Variants in DRGX observed in about 807,000 individuals in gnomAD.
The protein encoded by DRGX is dorsal root ganglia homeobox protein.
A neutral mutation model predicts 28.6 loss-of-function variants in DRGX; 21 were observed. The ratio of observed to expected loss-of-function variants is 0.73; its 90% confidence interval spans 0.52 to 1.06. DRGX has a LOEUF of 1.06. DRGX is among the 50% of genes least tolerant of loss of function. The pLI is 0.00. For synonymous variants in DRGX, 136 were observed against 139.1 expected (o/e 0.98, Z 0.16); for missense variants, 354 against 343.9 (o/e 1.03, Z -0.23).
chr10:49,391,969 C>T, intron 2 of DRGX: 2 of 446,814 alleles, frequency 4.5e-6, no homozygotes, highest in South Asian at 1.7e-5. Flanking sequence ...GCACCCCACC[C>T]TCTGGCCAAG....
chr10:49,386,436 C>T (rs1284009306), intron 6 of DRGX, 42 bp downstream of exon 6: 5 of 1,476,642 alleles, frequency 3.4e-6, no homozygotes, highest in Non-Finnish European at 3.6e-6. Context: ...TCCACCAACC[C>T]CATGAGGCCA....
At chr10:49,387,910 C>T (rs1397289655) in intron 4 of DRGX, among the ~76,000 whole-genome samples, 1 of 152,180 alleles carries the variant, frequency 6.6e-6, no homozygotes, top group Non-Finnish European at 1.5e-5. Flanking sequence ...AATGGCTTGG[C>T]TGGGAACTGT....
intron 6 of DRGX, among the ~76,000 whole-genome samples, chr10:49,385,063 C>T (rs1849816493): frequency 6.6e-6 from 1 of 152,260 alleles, no homozygotes; most frequent in South Asian, 2.1e-4. Context: ...TCTTCTGGAT[C>T]CCCCTTCTAA....
chr10:49,377,366 G>A (rs924091971), intron 6 of DRGX, among the ~76,000 whole-genome samples: 1 of 152,190 alleles, frequency 6.6e-6, no homozygotes, highest in South Asian at 2.1e-4. Flanking sequence ...CTCATGGCAG[G>A]GGCCAGCATA....
chr10:49,393,738 A>G (rs911121464), intron 2 of DRGX, among the ~76,000 whole-genome samples: 1 of 152,242 alleles, frequency 6.6e-6, no homozygotes, highest in Non-Finnish European at 1.5e-5. Flanking sequence ...CTACAAAGGG[A>G]TGAAAGGCTC....
chr10:49,380,922 G>C (rs1251581382), intron 6 of DRGX, among the ~76,000 whole-genome samples: 1 of 152,172 alleles, frequency 6.6e-6, no homozygotes, highest in East Asian at 1.9e-4. Context: ...CCACTGTCCT[G>C]AGGGCCTCAA....
intron 6 of DRGX, among the ~76,000 whole-genome samples, chr10:49,368,449 T>G (rs1438479856): frequency 6.6e-6 from 1 of 152,254 alleles, no homozygotes; most frequent in African/African-American, 2.4e-5. Flanking sequence ...CCTGTCATGC[T>G]TTTGGTCAAA....
chr10:49,389,466 C>G (rs929284130), intron 4 of DRGX, among the ~76,000 whole-genome samples: 1 of 152,176 alleles, frequency 6.6e-6, no homozygotes, highest in Non-Finnish European at 1.5e-5. Context: ...GAGGCGGCAC[C>G]GTGAATCCCT....
chr10:49,391,494 C>T (rs1022217299), intron 2 of DRGX, among the ~76,000 whole-genome samples: 13 of 152,242 alleles, frequency 8.5e-5, no homozygotes, highest in African/African-American at 2.6e-4. Context: ...GACCTTAATC[C>T]CCAAGATGGC....
intron 2 of DRGX, among the ~76,000 whole-genome samples, chr10:49,392,196 C>T (rs1849913910): frequency 6.6e-6 from 1 of 152,240 alleles, no homozygotes; most frequent in African/African-American, 2.4e-5. Context: ...CTTTACCTGC[C>T]ATGGGCTCTG....
At position 49,395,466 on chromosome 10, in the gene DRGX, G is replaced by T; in HGVS notation, c.-26C>A. The T allele has an allele frequency of 6.5e-7, 1 of 1,549,712 alleles. No individual in the cohort carries two copies. The highest frequency in any genetic ancestry group is 2.4e-5 in the East Asian group (1 of 40,916). On this transcript the variant is annotated 5_prime_UTR_variant, in exon 2 of 7. Transcript: ENST00000374139. ...CGCCGGCTGTCAGATCGGCTGGACG[G>T]CCGAGACCTGGGAGGGTGGCAGCAG...
At chr10:49,390,847 T>C (rs1181052281) in intron 3 of DRGX, among the ~76,000 whole-genome samples, 1 of 152,208 alleles carries the variant, frequency 6.6e-6, no homozygotes, top group African/African-American at 2.4e-5. Flanking sequence ...AATGAGAATG[T>C]CTGACCTGCC....
At chr10:49,379,659 G>A (rs1176202347) in intron 6 of DRGX, among the ~76,000 whole-genome samples, 1 of 152,150 alleles carries the variant, frequency 6.6e-6, no homozygotes, top group African/African-American at 2.4e-5. Context: ...ACTAATGCAG[G>A]GGCCTTGCCC....
At chr10:49,367,470 G>T (rs948651036) in intron 6 of DRGX, among the ~76,000 whole-genome samples, 4 of 152,194 alleles carry the variant, frequency 2.6e-5, no homozygotes, top group Non-Finnish European at 5.9e-5. Flanking sequence ...AAGTTGTCAG[G>T]ACATACTTAG....
rs1012892500 is a variant in DRGX at position 49,386,986 on chromosome 10, G to A, written c.235-128C>T. On this transcript the variant is annotated intron_variant, in intron 4 of 6. Coordinates refer to ENST00000374139, the MANE Select transcript of DRGX (RefSeq NM_001276451.2). ...CTCTCCACACCATGCCCTCTGAACT[G>A]CAGCGTCAGGCCCACAGAGGGGTCA... 4.1e-5 allele frequency: 44 copies of A among 1,086,406 alleles called. 1 individual carries two copies. Among genetic ancestry groups the A allele is most frequent in the Admixed American group, 5.5e-5 (2 of 36,080 alleles). 67.3% of individuals were successfully genotyped at this position (1,086,406 alleles called of 1,614,324 possible). A position where few individuals can be genotyped will look rare whatever the true frequency, so the allele number is the denominator to read the frequency against.
chr10:49,384,030 C>T (rs892577616), intron 6 of DRGX, among the ~76,000 whole-genome samples: 4 of 152,242 alleles, frequency 2.6e-5, no homozygotes, highest in Non-Finnish European at 5.9e-5. Flanking sequence ...GGCTGAGCAA[C>T]GGCTGCCCTT....
In DRGX at chr10:49,386,675, C is replaced by T. The variant is rs565759416; in HGVS notation, c.413+5G>A. ...CCCACCGGGCCCAGAGACCCACAGC[C>T]TCACCTCTGCTGGGCCTCCAGCGCC... On this transcript the variant is annotated splice_donor_5th_base_variant and intron_variant, in intron 5 of 6. Transcript: ENST00000374139. The T allele has an allele frequency of 6.3e-7, 1 of 1,575,232 alleles. No individual in the cohort carries two copies. Among genetic ancestry groups the T allele is most frequent in the Admixed American group, 1.8e-5 (1 of 55,328 alleles).
chr10:49,374,606 T>C (rs1045175194), intron 6 of DRGX, among the ~76,000 whole-genome samples: 7 of 152,250 alleles, frequency 4.6e-5, no homozygotes, highest in Non-Finnish European at 8.8e-5. Flanking sequence ...TTCTGCTGAA[T>C]TGATCTAATC....
At position 49,365,870 on chromosome 10, in the gene DRGX, T is replaced by C. The variant is rs554674887; in HGVS notation, c.*246A>G. 9.1e-5 allele frequency: 35 copies of C among 383,054 alleles called. No individual in the cohort carries two copies. Among genetic ancestry groups the C allele is most frequent in the African/African-American group, 7.2e-4 (35 of 48,340 alleles). The allele number at this position is 383,054 out of a possible 1,614,324, so 23.7% of individuals were successfully genotyped here. A position where few individuals can be genotyped will look rare whatever the true frequency, so the allele number is the denominator to read the frequency against. ...GGGAGGCTCCTCACAGAGAGGGCTCTGCTGCCACCAAGTGCCATCGGGATC... is the reference window on the plus strand; with the variant it reads ...GGGAGGCTCCTCACAGAGAGGGCTCCGCTGCCACCAAGTGCCATCGGGATC... On this transcript the variant is annotated 3_prime_UTR_variant, in exon 7 of 7. Transcript: ENST00000374139.
Sources: allele counts gnomAD v4.1 joint callset (sites outside exome capture counted in the v4.1 genomes callset), GRCh38; gene constraint gnomAD v4.1.1; transcripts MANE v1.5; gene names NCBI Gene and HGNC (gene_info 2026-07-23, HGNC 2026-07-21).